Variants in LAMC2 observed in about 807,000 individuals in gnomAD.
LAMC2 encodes laminin subunit gamma 2.
LAMC2 carries 97 observed loss-of-function variants against 140.2 expected under a neutral mutation model. That is an observed-to-expected ratio of 0.69 (90% CI 0.59 to 0.82). The LOEUF (loss-of-function observed/expected upper bound fraction) is 0.82, where lower values mean the gene tolerates loss of function less well. LAMC2 is among the 40% of genes least tolerant of loss of function. The pLI is 0.00. For missense variants in LAMC2, 1,402 were observed against 1,476.1 expected (o/e 0.95, Z 0.82); for synonymous variants, 513 against 540.2 (o/e 0.95, Z 0.70).
chr1:183,224,329 T>C (rs1413866024), intron 7 of LAMC2, among the ~76,000 whole-genome samples: 2 of 152,182 alleles, frequency 1.3e-5, no homozygotes, highest in African/African-American at 4.8e-5. Flanking sequence ...GATGGGTAGA[T>C]ACATTTGCAA....
At position 183,243,378 on chromosome 1, in the gene LAMC2, C is replaced by G. The variant is rs1660180495; in HGVS notation, c.3560C>G (p.Thr1187Ser). 2 of 1,614,214 alleles carry G rather than the reference C, an allele frequency of 1.2e-6. No individual in the cohort carries two copies. Among genetic ancestry groups the G allele is most frequent in the African/African-American group, 2.7e-5 (2 of 75,052 alleles). ...RDNLPPGCYN[T>S]QALEQQ is the part of the protein sequence containing the mutation. ...AACCTGCCCCCAGGCTGCTACAATA[C>G]CCAGGCTCTTGAGCAACAGTGAAGC... The change falls in exon 23 of 23, where the codon ACC becomes AGC. Residue 1187 changes from threonine to serine, a missense_variant. Physicochemically the swap from Thr to Ser is moderately conservative, Grantham distance 58. This residue lies in a region of LAMC2 where 670 missense variants were observed against 667.2 expected (regional missense o/e 1.00). Transcript: ENST00000264144.
At chr1:183,198,874 T>C (rs1411047143) in intron 1 of LAMC2, among the ~76,000 whole-genome samples, 1 of 152,194 alleles carries the variant, frequency 6.6e-6, no homozygotes, top group African/African-American at 2.4e-5. Flanking sequence ...AGCAGCAACC[T>C]GAAAGTCCCA....
Position 183,243,363 on chromosome 1 carries a change from C to G in LAMC2, c.3545C>G (p.Pro1182Arg), listed in dbSNP as rs748551644. 1.9e-6 allele frequency: 3 copies of G among 1,614,204 alleles called. No homozygotes were observed. In the South Asian group the frequency reaches 3.3e-5, roughly 18 times the overall value. The change falls in exon 23 of 23, where the codon CCA becomes CGA. Residue 1182 changes from proline (P) to arginine (R), a missense_variant. Around this residue, in one of 3 missense-constraint regions of LAMC2, gnomAD observed 670 missense variants for 667.2 expected, o/e 1.00. Transcript: ENST00000264144. ...GAGAACATTAGGGACAACCTGCCCC[C>G]AGGCTGCTACAATACCCAGGCTCTT... ...NLENIRDNLP[P>R]GCYNTQALEQ...
At chr1:183,242,997 A>G (rs1660167378) in intron 22 of LAMC2, 150 bp from the exon 23 acceptor site, 1 of 863,204 alleles carries the variant, frequency 1.2e-6, no homozygotes, top group African/African-American at 1.7e-5. Flanking sequence ...GGTGATTTCT[A>G]ATTTAAAATA....
At chr1:183,189,739 A>G (rs1161565950) in intron 1 of LAMC2, among the ~76,000 whole-genome samples, 1 of 152,212 alleles carries the variant, frequency 6.6e-6, no homozygotes, top group Non-Finnish European at 1.5e-5. Context: ...GGGTTTTGTT[A>G]GTCAAAGGAA....
At chr1:183,223,486 T>C (rs1386315432) in intron 7 of LAMC2, among the ~76,000 whole-genome samples, 162 bp downstream of exon 7, 1 of 152,222 alleles carries the variant, frequency 6.6e-6, no homozygotes, top group Non-Finnish European at 1.5e-5. Flanking sequence ...ACATGATTCC[T>C]TCCCTCAAGC....
At chr1:183,252,693 G>A in the LAMC2 span, 3 of 1,613,982 alleles carry the variant, frequency 1.9e-6, no homozygotes, top group Admixed American at 1.7e-5. Flanking sequence ...GTCGATGACC[G>A]GCTGGGACAG....
Position 183,228,665 on chromosome 1 carries a change from C to T in LAMC2, c.1714+46C>T, listed in dbSNP as rs189782240. ...GGCTGTGTCTGTGCGTGCCTGTGTA[C>T]GTATGCACTTGCTTGCCATCTAAGC... On this transcript the variant is annotated intron_variant, in intron 11 of 22. Coordinates refer to ENST00000264144, the MANE Select transcript of LAMC2 (RefSeq NM_005562.3). The surrounding 1 kb of genome is among the most constrained non-coding windows in gnomAD (Gnocchi z 4.3). The T allele has an allele frequency of 2.0e-4, 314 of 1,610,234 alleles. 1 individual carries two copies. The African/African-American group carries it at 3.2e-3, about 16-fold the overall frequency.
chr1:183,206,096 T>C (rs1394851267), intron 1 of LAMC2, among the ~76,000 whole-genome samples: 1 of 151,944 alleles, frequency 6.6e-6, no homozygotes, highest in African/African-American at 2.4e-5. Context: ...AATTACATCT[T>C]TGCCATTTAG....
rs776747303 is a variant in LAMC2, at chr1:183,227,695, C to G, written c.1466C>G (p.Thr489Ser). Residue 489 changes from threonine to serine, a missense_variant and splice_region_variant, in exon 10 of 23, where the codon ACC becomes AGC. By Grantham distance (58) the Thr-to-Ser change is moderately conservative (BLOSUM62 1). Around this residue, in one of 3 missense-constraint regions of LAMC2, gnomAD observed 723 missense variants for 783.3 expected, o/e 0.92. Coordinates refer to ENST00000264144, the MANE Select transcript of LAMC2 (RefSeq NM_005562.3). ...VVCNNCPPGV[T>S]GARCELCADG... ...TGCAATAACTGCCCTCCCGGGGTCACCGGTAAGGCCATGGGTCTGCTCTGC... is the reference window on the plus strand; with the variant it reads ...TGCAATAACTGCCCTCCCGGGGTCAGCGGTAAGGCCATGGGTCTGCTCTGC... The G allele has an allele frequency of 6.2e-7, 1 of 1,614,080 alleles. No individual in the cohort carries two copies. The highest frequency in any genetic ancestry group is 1.7e-5 in the Admixed American group (1 of 60,024).
intron 19 of LAMC2, 24 bp from the exon 20 acceptor site, chr1:183,239,340 A>AG (rs779210970): frequency 2.5e-6 from 4 of 1,610,132 alleles, no homozygotes; most frequent in Non-Finnish European, 3.4e-6. Flanking sequence ...TCTTCACGGC[A>AG]GTTTTTTCTT....
At chr1:183,247,432 A>G (rs1258111877), downstream of LAMC2, among the ~76,000 whole-genome samples, 1 of 152,106 alleles carries the variant, frequency 6.6e-6, no homozygotes, top group Non-Finnish European at 1.5e-5. Flanking sequence ...GCAAATGTAA[A>G]CACGAGTGAT....
rs533335724 is a variant in LAMC2 at position 183,240,728 on chromosome 1, G to A, written c.3328+337G>A. The A allele has an allele frequency of 2.3e-5, 28 of 1,210,634 alleles. 1 individual carries two copies. In the South Asian group the frequency reaches 6.3e-4, roughly 27 times the overall value. The allele number at this position is 1,210,634 out of a possible 1,614,324, so 75.0% of individuals were successfully genotyped here. ...TGGCCTGGACCCTGAGAAGCCAGTG[G>A]ACAGTTTTAAGCAGAGGAATAACAT... is the stretch of plus-strand genomic sequence containing the variant. On this transcript the variant is annotated intron_variant, in intron 22 of 22. Coordinates refer to ENST00000264144, the MANE Select transcript of LAMC2 (RefSeq NM_005562.3).
chr1:183,215,093 A>G (rs1659209949), intron 2 of LAMC2, among the ~76,000 whole-genome samples: 1 of 152,200 alleles, frequency 6.6e-6, no homozygotes, highest in Non-Finnish European at 1.5e-5. Flanking sequence ...TCACTTTCAG[A>G]TACAAACTCT....
At chr1:183,199,488 C>T (rs1658637909) in intron 1 of LAMC2, among the ~76,000 whole-genome samples, 1 of 151,880 alleles carries the variant, frequency 6.6e-6, no homozygotes, top group Admixed American at 6.6e-5. Context: ...TTCCTTCCCT[C>T]CCTCATTCCC....
chr1:183,236,357 C>G, intron 16 of LAMC2, 103 bp from the exon 17 acceptor site: 1 of 1,149,046 alleles, frequency 8.7e-7, no homozygotes, highest in Non-Finnish European at 1.3e-6. Flanking sequence ...CCACTGCACT[C>G]CAGCCTGGAC....
rs542824731 is a variant in LAMC2, at chr1:183,229,937, A to C, written c.1715-1024A>C. ...CACCAACAGGACTGAGTTCAAGTCC[A>C]GTTTTGTAACATACCTATTATATTA... On this transcript the variant is annotated intron_variant, in intron 11 of 22. Transcript: ENST00000264144. Among the ~76,000 whole-genome samples, 3 of 152,340 alleles carry C rather than the reference A, an allele frequency of 2.0e-5. No homozygotes were observed. The South Asian group carries it at 6.2e-4, about 32-fold the overall frequency.
chr1:183,231,835 CTT>C (rs1330299455), intron 12 of LAMC2, among the ~76,000 whole-genome samples: 1 of 152,200 alleles, frequency 6.6e-6, no homozygotes, highest in African/African-American at 2.4e-5. Flanking sequence ...GCACTGTTCT[CTT>C]GTCTCTAGCT....
chr1:183,256,982 C>T, the LAMC2 span, among the ~76,000 whole-genome samples: 1 of 151,882 alleles, frequency 6.6e-6, no homozygotes, highest in Non-Finnish European at 1.5e-5. Flanking sequence ...GAACTCCTGA[C>T]CTCAAGTGAT....
Sources: allele counts gnomAD v4.1 joint callset (sites outside exome capture counted in the v4.1 genomes callset), GRCh38; gene constraint gnomAD v4.1.1; regional missense constraint gnomAD v4.1.1; non-coding constraint Gnocchi (gnomAD v3.1); transcripts MANE v1.5; gene names NCBI Gene and HGNC (gene_info 2026-07-23, HGNC 2026-07-21).